Variants in ANKFN1 observed in about 807,000 individuals in gnomAD.
The protein encoded by ANKFN1 is ankyrin repeat and fibronectin type-III domain-containing protein 1.
Under a neutral mutation model 108.7 loss-of-function variants are expected in ANKFN1, and 74 were observed. That is an observed-to-expected ratio of 0.68 (90% confidence interval 0.56 to 0.83). The LOEUF is 0.83. Among genes scored for constraint, ANKFN1 ranks in the 40% least tolerant of loss-of-function variants. The pLI is 0.00. For synonymous variants in ANKFN1, 547 were observed against 516.2 expected, an observed-to-expected ratio of 1.06 and a Z score of -0.81; for missense variants, 1,505 against 1,382.3, an observed-to-expected ratio of 1.09 and a Z score of -1.41.
At chr17:56,115,236 C>A (rs1455187552) in intron 4 of ANKFN1, among the ~76,000 whole-genome samples, 1 of 152,106 alleles carries the variant, frequency 6.6e-6, no homozygotes, top group East Asian at 1.9e-4. Context: ...ATTTGAGGGG[C>A]CACAGTCAGG....
At chr17:56,059,070 A>T (rs903181369) in intron 4 of ANKFN1, among the ~76,000 whole-genome samples, 28 of 152,248 alleles carry the variant, frequency 1.8e-4, no homozygotes, top group African/African-American at 5.8e-4. Flanking sequence ...CAGGGTTCCT[A>T]TTTCCCCACA....
intron 19 of ANKFN1, among the ~76,000 whole-genome samples, chr17:56,493,710 C>G (rs2051110962): frequency 6.6e-6 from 1 of 152,118 alleles, no homozygotes; most frequent in Non-Finnish European, 1.5e-5. Flanking sequence ...GGATACTCTT[C>G]CCATATAATT....
intron 4 of ANKFN1, among the ~76,000 whole-genome samples, chr17:56,107,780 T>C (rs925139642): frequency 1.3e-5 from 2 of 152,228 alleles, no homozygotes; most frequent in Admixed American, 1.3e-4. Flanking sequence ...GTGGTTCCTT[T>C]GAATAGCTTT....
chr17:56,320,491 G>A (rs1159125154), intron 3 of ANKFN1, among the ~76,000 whole-genome samples: 1 of 152,188 alleles, frequency 6.6e-6, no homozygotes, highest in Non-Finnish European at 1.5e-5. Context: ...TATAAATGGG[G>A]CTTTGTGACC....
chr17:56,183,449 G>A (rs1171922832), intron 1 of ANKFN1, among the ~76,000 whole-genome samples: 1 of 152,146 alleles, frequency 6.6e-6, no homozygotes, highest in Non-Finnish European at 1.5e-5. Flanking sequence ...GGAGGTGATT[G>A]GATCATGCGG....
chr17:56,173,475 C>G (rs1910857776), intron 1 of ANKFN1, among the ~76,000 whole-genome samples: 1 of 152,172 alleles, frequency 6.6e-6, no homozygotes, highest in Non-Finnish European at 1.5e-5. Flanking sequence ...TAGAACTCAG[C>G]ATGCGTCACC....
At chr17:56,249,597 A>T (rs2043191388) in intron 3 of ANKFN1, among the ~76,000 whole-genome samples, 1 of 152,194 alleles carries the variant, frequency 6.6e-6, no homozygotes, top group African/African-American at 2.4e-5. Flanking sequence ...TAAAAAATAA[A>T]ATAAAGGTTA....
At chr17:56,250,613 G>A (rs1424344691) in intron 3 of ANKFN1, among the ~76,000 whole-genome samples, 1 of 152,164 alleles carries the variant, frequency 6.6e-6, no homozygotes, top group Non-Finnish European at 1.5e-5. Flanking sequence ...TCATATCACA[G>A]CTCTTCTTAA....
intron 8 of ANKFN1, among the ~76,000 whole-genome samples, chr17:56,415,093 A>G (rs893236914): frequency 6.0e-4 from 91 of 152,294 alleles, no homozygotes; most frequent in Middle Eastern, 3.4e-3. Context: ...AACTACATAT[A>G]ACAGACTCAC....
intron 4 of ANKFN1, among the ~76,000 whole-genome samples, chr17:56,053,112 T>C (rs1262951501): frequency 6.6e-6 from 1 of 152,216 alleles, no homozygotes; most frequent in Non-Finnish European, 1.5e-5. Context: ...ATGTACCGGA[T>C]ACTTTTTGTA....
rs2046843706 is a variant in ANKFN1 at position 56,372,715 on chromosome 17, A to G, written c.671A>G (p.Glu224Gly). The change falls in exon 7 of 21, where the codon GAA becomes GGA. Residue 224 changes from glutamate (E) to glycine (G), a missense_variant. Glu to Gly is a moderately conservative substitution (Grantham distance 98). Coordinates refer to ENST00000682825, the MANE Select transcript of ANKFN1 (RefSeq NM_001370326.1). ...LVQEAQERVS[E>G]LSAQVENEGF... is the part of the protein sequence containing the mutation. ...CAGGAAGCCCAGGAGAGGGTGAGTGAACTGTCTGCCCAGGTGGAGAATGAA... is the reference window on the plus strand; with the variant it reads ...CAGGAAGCCCAGGAGAGGGTGAGTGGACTGTCTGCCCAGGTGGAGAATGAA... The G allele has an allele frequency of 6.2e-7, 1 of 1,613,950 alleles. No individual in the cohort carries two copies. The highest frequency in any genetic ancestry group is 1.3e-5 in the African/African-American group (1 of 74,906).
At chr17:56,153,326 C>A (rs1567806908), upstream of ANKFN1, 2 of 646,276 alleles carry the variant, frequency 3.1e-6, no homozygotes, top group Non-Finnish European at 5.5e-6. Flanking sequence ...CCTGCCTCTC[C>A]TCTTGACCCT....
upstream of ANKFN1, among the ~76,000 whole-genome samples, chr17:56,151,591 G>C (rs771553155): frequency 6.6e-6 from 1 of 152,090 alleles, no homozygotes; most frequent in Non-Finnish European, 1.5e-5. Flanking sequence ...ACAAAGCCAA[G>C]GGTATTGAAA....
intron 9 of ANKFN1, among the ~76,000 whole-genome samples, chr17:56,442,467 A>G (rs535483083): frequency 6.6e-5 from 10 of 152,340 alleles, no homozygotes; most frequent in African/African-American, 2.4e-4. Flanking sequence ...GAAAATAAGG[A>G]GAATGATGTG....
chr17:56,219,003 T>C (rs1377809507), intron 2 of ANKFN1, among the ~76,000 whole-genome samples: 1 of 152,218 alleles, frequency 6.6e-6, no homozygotes, highest in Non-Finnish European at 1.5e-5. Flanking sequence ...CACACATCCC[T>C]GTAATTGCAG....
intron 8 of ANKFN1, among the ~76,000 whole-genome samples, chr17:56,388,170 A>T (rs1175730709): frequency 2.7e-5 from 4 of 146,956 alleles, no homozygotes; most frequent in African/African-American, 1.0e-4. Flanking sequence ...ATGGAGTCTC[A>T]CTCTGTCACC....
intron 4 of ANKFN1, among the ~76,000 whole-genome samples, chr17:56,080,005 T>C (rs899835530): frequency 6.6e-6 from 1 of 152,100 alleles, no homozygotes; most frequent in Non-Finnish European, 1.5e-5. Flanking sequence ...AGCGGAGAGA[T>C]GAATGTCTGA....
At chr17:56,499,852 G>A (rs2051312385) in intron 20 of ANKFN1, among the ~76,000 whole-genome samples, 1 of 152,176 alleles carries the variant, frequency 6.6e-6, no homozygotes, top group Admixed American at 6.5e-5. Context: ...GCTAAGGCTA[G>A]TGCCATTTTC....
intron 1 of ANKFN1, among the ~76,000 whole-genome samples, chr17:56,211,628 C>T (rs572808955): frequency 6.6e-6 from 1 of 152,200 alleles, no homozygotes; most frequent in East Asian, 1.9e-4. Flanking sequence ...ATTGATTTGT[C>T]TAGTTCTGTG....
Sources: gnomAD v4.1 joint callset for allele counts (sites outside exome capture counted in the v4.1 genomes callset) on GRCh38, gnomAD v4.1.1 for gene constraint, MANE v1.5 for transcripts, NCBI Gene and HGNC (gene_info 2026-07-23, HGNC 2026-07-21) for gene names.